The following TNFRSF13B variants were observed in gnomAD, a reference collection of about 807,000 sequenced individuals.
TNFRSF13B encodes the protein TNF receptor superfamily member 13B, also known as tumor necrosis factor receptor superfamily member 13B.
Under a neutral mutation model 24.0 loss-of-function variants are expected in TNFRSF13B, and 34 were observed. The ratio of observed to expected loss-of-function variants is 1.41; its 90% CI spans 1.08 to 1.88. TNFRSF13B has a LOEUF of 1.88. TNFRSF13B is among the 40% of genes most tolerant of loss of function. The probability of loss-of-function intolerance (pLI) is 0.00; values close to 1 mark genes in which losing one functional copy is unlikely to be tolerated. For synonymous variants in TNFRSF13B, 173 were observed against 150.3 expected, an observed-to-expected ratio of 1.15 and a Z score of -1.10; for missense variants, 415 against 380.8, an observed-to-expected ratio of 1.09 and a Z score of -0.75.
In TNFRSF13B at chr17:16,962,513, CAAAAAAAAAGAAAGA is replaced by C. The variant is rs768779045; in HGVS notation, c.61+9487_61+9501del. ...CAGAGTGAGACTCGGTCTCCCCCCC[CAAAAAAAAAGAAAGA>C]AAAAAAAAAGAAAGGAAAAGAAAGG... is the stretch of plus-strand genomic sequence containing the variant. On this transcript the variant is annotated intron_variant, in intron 1 of 4. Coordinates refer to ENST00000261652, the MANE Select transcript of TNFRSF13B (RefSeq NM_012452.3). 2.0e-3 allele frequency among the ~76,000 whole-genome samples: 280 copies of C among 139,132 alleles called. 6 individuals carry two copies. Among genetic ancestry groups the C allele is most frequent in the Admixed American group, 0.018 (251 of 13,916 alleles). The allele number at this position is 139,132 out of a possible 152,430, so 91.3% of individuals were successfully genotyped here.
rs760885614 is a variant in TNFRSF13B at position 16,972,013 on chromosome 17, A to T, written c.61+2T>A. Reference sequence around the variant, plus strand: ...CTCCTGCCCTCCTGCCCGGCTACTCACAGCGCTCCTCCTGGTCCACACGGC... The same window carrying T: ...CTCCTGCCCTCCTGCCCGGCTACTCTCAGCGCTCCTCCTGGTCCACACGGC... On this transcript the variant is annotated splice_donor_variant, in intron 1 of 4. Coordinates refer to ENST00000261652, the MANE Select transcript of TNFRSF13B (RefSeq NM_012452.3). LOFTEE classifies it high-confidence loss of function. 9.9e-6 allele frequency: 16 copies of T among 1,614,006 alleles called. No homozygotes were observed. The Admixed American group carries it at 1.2e-4, about 12-fold the overall frequency.
At position 16,944,228 on chromosome 17, in the gene TNFRSF13B, G is replaced by A. The variant is rs187018835; in HGVS notation, c.446-3717C>T. 5.4e-4 allele frequency among the ~76,000 whole-genome samples: 82 copies of A among 152,242 alleles called. 1 individual carries two copies. The highest frequency in any genetic ancestry group is 4.8e-3 in the Admixed American group (73 of 15,296). ...ACAGAGCCCCTCACAGCCTCCCAAC[G>A]GCACAGTTCTCTGCTCCTAGCAGCA... On this transcript the variant is annotated intron_variant, in intron 3 of 4. Transcript: ENST00000261652.
At chr17:16,941,858 A>T (rs1375567715) in intron 3 of TNFRSF13B, among the ~76,000 whole-genome samples, 2 of 152,180 alleles carry the variant, frequency 1.3e-5, no homozygotes, top group Non-Finnish European at 2.9e-5. Flanking sequence ...ATGAAATCAT[A>T]CAACACGTGG....
intron 1 of TNFRSF13B, 118 bp downstream of exon 1, chr17:16,971,897 A>C: frequency 2.0e-6 from 2 of 998,138 alleles, no homozygotes; most frequent in Non-Finnish European, 3.2e-6. Flanking sequence ...GGACTGCCCC[A>C]GTGTGTGGAT....
intron 1 of TNFRSF13B, among the ~76,000 whole-genome samples, chr17:16,963,042 C>A (rs995558239): frequency 6.6e-6 from 1 of 152,154 alleles, no homozygotes; most frequent in South Asian, 2.1e-4. Context: ...CTGCTTGGAA[C>A]CCTGGGCTGT....
At chr17:16,943,279 G>T (rs1221731746) in intron 3 of TNFRSF13B, among the ~76,000 whole-genome samples, 3 of 152,198 alleles carry the variant, frequency 2.0e-5, no homozygotes, top group Non-Finnish European at 4.4e-5. Flanking sequence ...AGAGACACAG[G>T]CACGAGAGAG....
intron 3 of TNFRSF13B, among the ~76,000 whole-genome samples, chr17:16,946,574 A>G (rs1030241189): frequency 7.2e-6 from 1 of 139,582 alleles, no homozygotes; most frequent in Non-Finnish European, 1.6e-5. Context: ...TTTTATTTTT[A>G]TTTTTATTTA....
chr17:16,962,792 A>G (rs1268268459), intron 1 of TNFRSF13B, among the ~76,000 whole-genome samples: 1 of 152,146 alleles, frequency 6.6e-6, no homozygotes. Flanking sequence ...ATTCTGGAGC[A>G]GAGCCGGCAG....
intron 1 of TNFRSF13B, among the ~76,000 whole-genome samples, chr17:16,965,952 C>T (rs2087695738): frequency 6.6e-6 from 1 of 151,966 alleles, no homozygotes; most frequent in South Asian, 2.1e-4. Flanking sequence ...AAACAACAGG[C>T]AAACAAAAAA....
chr17:16,942,531 C>T (rs1000458954), intron 3 of TNFRSF13B, among the ~76,000 whole-genome samples: 6 of 152,048 alleles, frequency 3.9e-5, no homozygotes, highest in East Asian at 1.9e-4. Context: ...AGAGGCCTAA[C>T]GGAGGAAAGC....
rs1375922293 is a variant in TNFRSF13B at position 16,939,782 on chromosome 17, G to C, written c.647C>G (p.Ala216Gly). Reference protein sequence around the residue: ...AKSSQDHAMEAGSPVSTSPEP... With the variant: ...AKSSQDHAMEGGSPVSTSPEP... ...GGGGGATGTGCTCACAGGGCTGCCG[G>C]CTTCCATCGCGTGATCTGCAGAGGC... Residue 216 changes from alanine (A) to glycine (G), a missense_variant, in exon 5 of 5, where the codon GCC (alanine) becomes GGC (glycine). By Grantham distance (60) the Ala-to-Gly change is moderately conservative. Coordinates refer to ENST00000261652, the MANE Select transcript of TNFRSF13B (RefSeq NM_012452.3). 1 of 1,611,520 alleles carries C rather than the reference G, an allele frequency of 6.2e-7. No individual in the cohort carries two copies. The highest frequency in any genetic ancestry group is 8.5e-7 in the Non-Finnish European group (1 of 1,179,208).
chr17:16,961,912 A>C (rs148734037), intron 1 of TNFRSF13B, among the ~76,000 whole-genome samples: 1 of 152,294 alleles, frequency 6.6e-6, no homozygotes, highest in African/African-American at 2.4e-5. Context: ...TGCTCCACTG[A>C]ATCTGGGGAG....
chr17:16,955,658 C>T (rs1168921863), intron 1 of TNFRSF13B, among the ~76,000 whole-genome samples: 1 of 152,146 alleles, frequency 6.6e-6, no homozygotes, highest in Non-Finnish European at 1.5e-5. Context: ...ATCATATTTA[C>T]GAAGTCAAGA....
chr17:16,947,906 A>G (rs2087560236), intron 3 of TNFRSF13B, among the ~76,000 whole-genome samples: 1 of 152,272 alleles, frequency 6.6e-6, no homozygotes, highest in South Asian at 2.1e-4. Flanking sequence ...ACGTATGTTC[A>G]TCACAGCACA....
At chr17:16,965,985 C>T (rs771416214) in intron 1 of TNFRSF13B, among the ~76,000 whole-genome samples, 17 of 152,068 alleles carry the variant, frequency 1.1e-4, no homozygotes, top group Admixed American at 2.6e-4. Flanking sequence ...CTGGATGCGG[C>T]GGCTCATGCT....
At chr17:16,958,334 A>G (rs932187954) in intron 1 of TNFRSF13B, among the ~76,000 whole-genome samples, 3 of 152,148 alleles carry the variant, frequency 2.0e-5, no homozygotes, top group Admixed American at 6.5e-5. Context: ...TAAGACATAC[A>G]TAAAACAAAT....
intron 3 of TNFRSF13B, 47 bp from the exon 4 acceptor site, chr17:16,940,558 C>T (rs1204929698): frequency 1.9e-6 from 3 of 1,592,814 alleles, no homozygotes; most frequent in Non-Finnish European, 2.6e-6. Flanking sequence ...TCTTCTCTTC[C>T]CGTCATTAGG....
chr17:16,969,716 G>A (rs192268538), intron 1 of TNFRSF13B, among the ~76,000 whole-genome samples: 102 of 152,300 alleles, frequency 6.7e-4, no homozygotes, highest in Admixed American at 2.2e-3. Flanking sequence ...TCTAGGGGAG[G>A]TGGGAACTGG....
intron 1 of TNFRSF13B, among the ~76,000 whole-genome samples, chr17:16,971,552 C>T (rs909213624): frequency 1.3e-5 from 2 of 152,100 alleles, no homozygotes; most frequent in African/African-American, 2.4e-5. Flanking sequence ...TGAACCCTGG[C>T]GGGCTATGTG....
Sources: allele counts gnomAD v4.1 joint callset (sites outside exome capture counted in the v4.1 genomes callset), GRCh38; gene constraint gnomAD v4.1.1; transcripts MANE v1.5; gene names NCBI Gene and HGNC (gene_info 2026-07-23, HGNC 2026-07-21).